TERT: variants seen among roughly 807,000 people sequenced by gnomAD.
TERT encodes telomerase reverse transcriptase.
A neutral mutation model predicts 104.0 loss-of-function variants in TERT; 42 were observed. The ratio of observed to expected loss-of-function variants is 0.40; its 90% CI spans 0.32 to 0.52. TERT has a LOEUF of 0.52. Ranked by LOEUF, TERT falls within the 20% of genes least tolerant of loss-of-function variation. TERT has a pLI of 0.43. For synonymous variants in TERT, 781 were observed against 725.6 expected (o/e 1.08, Z -1.23); for missense variants, 1,101 against 1,610.3 (o/e 0.68, Z 5.41).
chr5:1,293,415 T>A lies in TERT; in HGVS notation c.1471A>T (p.Thr491Ser). The change falls in exon 2 of 16, where the codon ACC becomes TCC. Residue 491 changes from threonine to serine, a missense_variant. By Grantham distance (58) the Thr-to-Ser change is moderately conservative. Coordinates refer to ENST00000310581, the MANE Select transcript of TERT (RefSeq NM_198253.3). ...TTCCCCAGGGAGATGAACTTCTTGG[T>A]GTTCCTGAGGAAGCGGCGTTCGTTG... is the stretch of plus-strand genomic sequence containing the variant. ...RHNERRFLRN[T>S]KKFISLGKHA... 1 of 1,613,146 alleles carries A rather than the reference T, an allele frequency of 6.2e-7. No individual in the cohort carries two copies. The highest frequency in any genetic ancestry group is 1.1e-5 in the South Asian group (1 of 91,050).
Position 1,286,277 on chromosome 5 carries a change from G to A in TERT, c.1574-3653C>T, listed in dbSNP as rs1750478834. Among the ~76,000 whole-genome samples, 1 of 152,210 alleles carries A rather than the reference G, an allele frequency of 6.6e-6. No individual in the cohort carries two copies. The highest frequency in any genetic ancestry group is 2.1e-4 in the South Asian group (1 of 4,828). ...GGAGGCCAGCACAGGTAAAGCTGGG[G>A]TTTACCAGCAATAACAAGACAGAAG... On this transcript the variant is annotated intron_variant, in intron 2 of 15. Transcript: ENST00000310581. The surrounding 1 kb of genome is among the most constrained non-coding windows in gnomAD (Gnocchi z 5.3).
rs887121416 is a variant in TERT, at chr5:1,262,873, C to T, written c.2843+1531G>A. Among the ~76,000 whole-genome samples, 1 of 152,196 alleles carries T rather than the reference C, an allele frequency of 6.6e-6. No individual in the cohort carries two copies. The highest frequency in any genetic ancestry group is 1.5e-5 in the Non-Finnish European group (1 of 68,030). ...ACAGTTCACAGCTGACTGGTATGGC[C>T]AGCACTGCAGAGGTGCCTGGGAGAG... On this transcript the variant is annotated intron_variant, in intron 11 of 15. Coordinates refer to ENST00000310581, the MANE Select transcript of TERT (RefSeq NM_198253.3). The surrounding 1 kb of genome is among the most constrained non-coding windows in gnomAD (Gnocchi z 5.6).
Position 1,293,966 on chromosome 5 carries a change from G to C in TERT, c.920C>G (p.Pro307Arg), listed in dbSNP as rs1751184986. The change falls in exon 2 of 16, where the codon CCC (proline) becomes CGC (arginine). Residue 307 changes from proline (P) to arginine (R), a missense_variant. Physicochemically the swap from Pro to Arg is moderately radical, Grantham distance 103 (BLOSUM62 -2). Transcript: ENST00000310581. ...ACGTGGTGGCCGCGATGTGGATGGG[G>C]GGCCCGCGTGGTGCTGGCGGCCCAC... ...PSVGRQHHAG[P>R]PSTSRPPRPW... is the part of the protein sequence containing the mutation. The C allele has an allele frequency of 6.4e-7, 1 of 1,556,302 alleles. No individual in the cohort carries two copies. Among genetic ancestry groups the C allele is most frequent in the Non-Finnish European group, 8.7e-7 (1 of 1,153,862 alleles).
At position 1,270,169 on chromosome 5, in the gene TERT, A is replaced by C. The variant is rs1748919065; in HGVS notation, c.2468+950T>G. On this transcript the variant is annotated intron_variant, in intron 8 of 15. Coordinates refer to ENST00000310581, the MANE Select transcript of TERT (RefSeq NM_198253.3). The surrounding 1 kb of genome is among the most constrained non-coding windows in gnomAD (Gnocchi z 8.3). ...CATGTGCAATTTGTGTTTTTCCAGAACGTGTGTACTACTTAATATTTCTAA... is the reference window on the plus strand; with the variant it reads ...CATGTGCAATTTGTGTTTTTCCAGACCGTGTGTACTACTTAATATTTCTAA... Among the ~76,000 whole-genome samples the C allele has an allele frequency of 6.6e-6, 1 of 152,184 alleles. No individual in the cohort carries two copies. The highest frequency in any genetic ancestry group is 2.4e-5 in the African/African-American group (1 of 41,446).
At position 1,257,694 on chromosome 5, in the gene TERT, G is replaced by C. The variant is rs1173251895; in HGVS notation, c.3032+904C>G. On this transcript the variant is annotated intron_variant, in intron 13 of 15. Coordinates refer to ENST00000310581, the MANE Select transcript of TERT (RefSeq NM_198253.3). This position sits in a 1 kb window ranked among gnomAD's most constrained non-coding sequence, Gnocchi z 5.6. ...ACTCGGGTTAAAAACCATTTTCATGGTACGACCTTGTAATGGAAAACTCTC... is the reference window on the plus strand; with the variant it reads ...ACTCGGGTTAAAAACCATTTTCATGCTACGACCTTGTAATGGAAAACTCTC... Among the ~76,000 whole-genome samples, 2 of 152,224 alleles carry C rather than the reference G, an allele frequency of 1.3e-5. No homozygotes were observed. The highest frequency in any genetic ancestry group is 4.8e-5 in the African/African-American group (2 of 41,472).
At chr5:1,278,550 C>G in intron 6 of TERT, 91 bp downstream of exon 6, 1 of 1,570,402 alleles carries the variant, frequency 6.4e-7, no homozygotes, top group Non-Finnish European at 8.8e-7. Flanking sequence ...ACCTCCACCA[C>G]AGAAACGCAT....
At chr5:1,259,938 G>T (rs2853686) in intron 12 of TERT, among the ~76,000 whole-genome samples, 1 of 137,128 alleles carries the variant, frequency 7.3e-6, no homozygotes, top group Non-Finnish European at 1.6e-5. Context: ...CACAGGAGAG[G>T]GGGTGTGGAC....
At position 1,282,464 on chromosome 5, in the gene TERT, C is replaced by A. The variant is rs1290344262; in HGVS notation, c.1734G>T (p.Lys578Asn). Residue 578 changes from lysine to asparagine, a missense_variant, in exon 3 of 16, where the codon AAG (lysine) becomes AAT (asparagine). Lys to Asn is a moderately conservative substitution (Grantham distance 94). Coordinates refer to ENST00000310581, the MANE Select transcript of TERT (RefSeq NM_198253.3). ...TGCTTTGCAACTTGCTCCAGACACTCTTCCGGTAGAAAAAGAGCCTGTTCT... is the reference window on the plus strand; with the variant it reads ...TGCTTTGCAACTTGCTCCAGACACTATTCCGGTAGAAAAAGAGCCTGTTCT... ...FQKNRLFFYRKSVWSKLQSIG... is the reference protein window; with the variant it reads ...FQKNRLFFYRNSVWSKLQSIG... 1 of 1,614,058 alleles carries A rather than the reference C, an allele frequency of 6.2e-7. No individual in the cohort carries two copies. Among genetic ancestry groups the A allele is most frequent in the Non-Finnish European group, 8.5e-7 (1 of 1,180,040 alleles).
At chr5:1,271,269 T>A in intron 7 of TERT, 65 bp from the exon 8 acceptor site, 1 of 1,184,620 alleles carries the variant, frequency 8.4e-7, no homozygotes, top group Non-Finnish European at 1.3e-6. Flanking sequence ...CAGGACCACG[T>A]GGCCAAGACC....
At chr5:1,278,886 C>T in intron 5 of TERT, 90 bp from the exon 6 acceptor site, 1 of 1,565,096 alleles carries the variant, frequency 6.4e-7, no homozygotes, top group Non-Finnish European at 8.7e-7. Context: ...GCGGTGTCCC[C>T]CACTCTCTCT....
chr5:1,279,694 C>G (rs199657015), intron 4 of TERT, among the ~76,000 whole-genome samples: 2 of 152,214 alleles, frequency 1.3e-5, no homozygotes, highest in East Asian at 3.9e-4. Flanking sequence ...CCACCTCACC[C>G]CACACTCTCC....
intron 2 of TERT, among the ~76,000 whole-genome samples, chr5:1,285,618 G>A (rs1234395841): frequency 8.0e-6 from 1 of 124,656 alleles, no homozygotes; most frequent in Non-Finnish European, 1.6e-5. Flanking sequence ...TTGCCAGGCT[G>A]GAGTGCAGTG....
In TERT at chr5:1,282,535, C is replaced by T. The variant is rs1413965241; in HGVS notation, c.1663G>A (p.Glu555Lys). Residue 555 changes from glutamate (E) to lysine (K), a missense_variant, in exon 3 of 16, where the codon GAG becomes AAG. This residue lies in a region of TERT where 504 missense variants were observed against 544.6 expected (regional missense o/e 0.93). Transcript: ENST00000310581. ...ACATAAAAGAAAGACCTGAGCAGCTCGACGACGTACACACTCATCAGCCAG... is the reference window on the plus strand; with the variant it reads ...ACATAAAAGAAAGACCTGAGCAGCTTGACGACGTACACACTCATCAGCCAG... The part of the protein sequence containing the change: ...LHWLMSVYVV[E>K]LLRSFFYVTE... The T allele has an allele frequency of 1.2e-6, 2 of 1,614,122 alleles. No homozygotes were observed. Among genetic ancestry groups the T allele is most frequent in the Non-Finnish European group, 1.7e-6 (2 of 1,180,022 alleles).
In TERT at chr5:1,268,821, C is replaced by T. The variant is rs1748817267; in HGVS notation, c.2469-188G>A. ...AAACAATCCCTGCTCCCCACTCTCA[C>T]CATGCACTGGGGCGGCTGAAACAGA... On this transcript the variant is annotated intron_variant, in intron 8 of 15. Coordinates refer to ENST00000310581, the MANE Select transcript of TERT (RefSeq NM_198253.3). The surrounding 1 kb of genome is among the most constrained non-coding windows in gnomAD (Gnocchi z 5.5). 6.6e-6 allele frequency among the ~76,000 whole-genome samples: 1 copy of T among 152,224 alleles called. No individual in the cohort carries two copies. Among genetic ancestry groups the T allele is most frequent in the African/African-American group, 2.4e-5 (1 of 41,448 alleles).
intron 12 of TERT, among the ~76,000 whole-genome samples, chr5:1,260,196 C>T (rs922431289): frequency 4.6e-5 from 7 of 152,210 alleles, no homozygotes; most frequent in East Asian, 1.9e-4. Context: ...ATGCACCTCA[C>T]GTGAATGCCC....
rs986652394 is a variant in TERT, at chr5:1,270,758, G to A, written c.2468+361C>T. On this transcript the variant is annotated intron_variant, in intron 8 of 15. Coordinates refer to ENST00000310581, the MANE Select transcript of TERT (RefSeq NM_198253.3). This position sits in a 1 kb window ranked among gnomAD's most constrained non-coding sequence, Gnocchi z 8.3. ...AGAGAGATACAAGCGTGTGAGAGCC[G>A]GGTGTCCAGCGTCAGTAGTAACTTG... is the stretch of plus-strand genomic sequence containing the variant. 6.6e-6 allele frequency among the ~76,000 whole-genome samples: 1 copy of A among 152,234 alleles called. No individual in the cohort carries two copies. Among genetic ancestry groups the A allele is most frequent in the South Asian group, 2.1e-4 (1 of 4,832 alleles).
At chr5:1,277,607 G>T (rs867913631) in intron 6 of TERT, among the ~76,000 whole-genome samples, 3 of 66,370 alleles carry the variant, frequency 4.5e-5, no homozygotes, top group African/African-American at 1.4e-4. Flanking sequence ...CGGGGATGTG[G>T]GGGGGGGTCT....
Position 1,279,467 on chromosome 5 carries a change from C to T in TERT, c.1954G>A (p.Glu652Lys), listed in dbSNP as rs1228165704. 11 of 1,548,936 alleles carry T rather than the reference C, an allele frequency of 7.1e-6. No homozygotes were observed. The highest frequency in any genetic ancestry group is 2.7e-5 in the African/African-American group (2 of 73,018). The part of the protein sequence containing the change: ...ARTFRREKRA[E>K]RLTSRVKALF... ...GCCTTCACCCTCGAGGTGAGACGCT[C>T]GGCCTGGCGGGGACAGCATGGGAGA... Residue 652 changes from glutamate to lysine, a missense_variant, in exon 5 of 16, where the codon GAG (glutamate) becomes AAG (lysine). By Grantham distance (56) the Glu-to-Lys change is moderately conservative (BLOSUM62 1). Around this residue, in one of 5 missense-constraint regions of TERT, gnomAD observed 463 missense variants for 797.5 expected, o/e 0.58. Transcript: ENST00000310581.
At chr5:1,280,060 C>G (rs926693100) in intron 4 of TERT, 98 bp downstream of exon 4, 2 of 1,487,228 alleles carry the variant, frequency 1.3e-6, no homozygotes, top group Non-Finnish European at 1.9e-6. Flanking sequence ...GGCTGTGTCC[C>G]GTGGCCCCTC....
Sources: gnomAD v4.1 joint callset for allele counts (sites outside exome capture counted in the v4.1 genomes callset) on GRCh38, gnomAD v4.1.1 for gene constraint, gnomAD v4.1.1 regional missense constraint, Gnocchi (gnomAD v3.1) non-coding constraint, MANE v1.5 for transcripts, NCBI Gene and HGNC (gene_info 2026-07-23, HGNC 2026-07-21) for gene names.